Variants in GNE observed in about 807,000 individuals in gnomAD.
The protein encoded by GNE is bifunctional UDP-N-acetylglucosamine 2-epimerase/N-acetylmannosamine kinase.
GNE carries 41 observed loss-of-function variants against 61.8 expected under a neutral mutation model. The observed-to-expected ratio is 0.66, with a 90% confidence interval of 0.52 to 0.86. GNE has a LOEUF of 0.86. GNE is among the 40% of genes least tolerant of loss of function. The pLI is 0.00. For missense variants in GNE, 608 were observed against 909.1 expected, an observed-to-expected ratio of 0.67 and a Z score of 4.26; for synonymous variants, 264 against 326.4, an observed-to-expected ratio of 0.81 and a Z score of 2.06.
Position 36,246,351 on chromosome 9 carries a change from A to G in GNE, c.296T>C (p.Leu99Pro), listed in dbSNP as rs1313289563. The G allele has an allele frequency of 6.2e-7, 1 of 1,614,094 alleles. No individual in the cohort carries two copies. ...GLALVKLPDV[L>P]NRLKPDIMIV... ...CATGATATCAGGCTTCAGGCGATTAAGGACATCTGGCAGCTTCACTAGGGC... is the reference window on the plus strand; with the variant it reads ...CATGATATCAGGCTTCAGGCGATTAGGGACATCTGGCAGCTTCACTAGGGC... The change falls in exon 3 of 12, where the codon CTT becomes CCT. Residue 99 changes from leucine to proline, a missense_variant. By Grantham distance (98) the Leu-to-Pro change is moderately conservative (BLOSUM62 -3). Coordinates refer to ENST00000642385, the MANE Select transcript of GNE (RefSeq NM_005476.7).
rs1255803795 is a variant in GNE at position 36,217,247 on chromosome 9, C to T, written c.*118G>A. ...GACCAAAAGTGAAAACATTTCTCTG[C>T]CAAAGTCACCTGCAGTTCAATACCA... is the stretch of plus-strand genomic sequence containing the variant. On this transcript the variant is annotated 3_prime_UTR_variant, in exon 12 of 12. Transcript: ENST00000642385. 3 of 754,094 alleles carry T rather than the reference C, an allele frequency of 4.0e-6. No individual in the cohort carries two copies. The highest frequency in any genetic ancestry group is 7.0e-6 in the Non-Finnish European group (3 of 430,796). 46.7% of individuals were successfully genotyped at this position (754,094 alleles called of 1,614,324 possible). A position where few individuals can be genotyped will look rare whatever the true frequency, so the allele number is the denominator to read the frequency against.
At chr9:36,222,515 A>G (rs1348420714) in intron 9 of GNE, among the ~76,000 whole-genome samples, 2 of 152,214 alleles carry the variant, frequency 1.3e-5, no homozygotes, top group Non-Finnish European at 2.9e-5. Context: ...CTAACCAAAA[A>G]GACTGGGAGG....
At position 36,234,047 on chromosome 9, in the gene GNE, G is replaced by C; in HGVS notation, c.855C>G (p.Asp285Glu). The C allele has an allele frequency of 1.2e-6, 2 of 1,614,032 alleles. No individual in the cohort carries two copies. Among genetic ancestry groups the C allele is most frequent in the Non-Finnish European group, 1.7e-6 (2 of 1,179,898 alleles). ...CATGGGCAACCAACTGTATAAACTG[G>C]TCAAATGGGACGTGTTTAACTGCAC... ...NFRAVKHVPF[D>E]QFIQLVAHAG... The change falls in exon 5 of 12, where the codon GAC becomes GAG. Residue 285 changes from aspartate (D) to glutamate (E), a missense_variant. Asp to Glu is a conservative substitution (Grantham distance 45, BLOSUM62 2). Transcript: ENST00000642385.
intron 1 of GNE, among the ~76,000 whole-genome samples, chr9:36,265,780 A>G (rs951568551): frequency 6.6e-6 from 1 of 152,136 alleles, no homozygotes; most frequent in Non-Finnish European, 1.5e-5. Flanking sequence ...GGAGCGTTCA[A>G]CCTAGGTCCC....
At chr9:36,260,868 CAAAAAAAAAAAA>C (rs745821430), upstream of GNE, among the ~76,000 whole-genome samples, 4 of 96,020 alleles carry the variant, frequency 4.2e-5, no homozygotes, top group East Asian at 7.9e-4. Flanking sequence ...GACTCTATCT[CAAAAAAAAAAAA>C]AAAAAAAAAA....
chr9:36,253,817 C>T (rs1830216910), intron 1 of GNE, among the ~76,000 whole-genome samples: 1 of 151,232 alleles, frequency 6.6e-6, no homozygotes, highest in African/African-American at 2.4e-5. Context: ...GTGGGCGGAT[C>T]ACCTGAGGTC....
intron 1 of GNE, among the ~76,000 whole-genome samples, chr9:36,250,970 T>C (rs1357176421): frequency 1.3e-5 from 2 of 152,094 alleles, no homozygotes; most frequent in Non-Finnish European, 2.9e-5. Flanking sequence ...CAAGAGCCAT[T>C]GCGCCCGGCC....
At chr9:36,240,111 G>C (rs1829572407) in intron 3 of GNE, among the ~76,000 whole-genome samples, 1 of 152,130 alleles carries the variant, frequency 6.6e-6, no homozygotes, top group Non-Finnish European at 1.5e-5. Context: ...TGTCAGCAAA[G>C]AGTGACGGTT....
In GNE at chr9:36,217,421, C is replaced by CT. The variant is rs1563926065; in HGVS notation, c.2112_2113insA (p.Ala705SerfsTer43). On this transcript the variant is annotated frameshift_variant, in exon 12 of 12. Transcript: ENST00000642385. LOFTEE classifies it high-confidence loss of function. ...ACCATGCTGGCAGCACCCAGCAGGG[C>CT]GGGGTCAACCAAATCCGAAACCACC... 2 of 1,614,124 alleles carry CT rather than the reference C, an allele frequency of 1.2e-6. No homozygotes were observed. The highest frequency in any genetic ancestry group is 1.7e-6 in the Non-Finnish European group (2 of 1,179,996).
intron 9 of GNE, 105 bp from the exon 10 acceptor site, chr9:36,220,125 A>G (rs2133007701): frequency 2.2e-6 from 2 of 920,854 alleles, no homozygotes; most frequent in Non-Finnish European, 3.6e-6. Context: ...GTGAGGGTCT[A>G]TAGATACTTC....
chr9:36,230,523 G>A (rs958259849), intron 5 of GNE, among the ~76,000 whole-genome samples: 3 of 150,952 alleles, frequency 2.0e-5, no homozygotes, highest in East Asian at 2.0e-4. Flanking sequence ...GTAGTGGCAC[G>A]ATCATAGCTC....
At chr9:36,237,149 A>C (rs1480777798) in intron 3 of GNE, among the ~76,000 whole-genome samples, 165 bp from the exon 4 acceptor site, 1 of 152,242 alleles carries the variant, frequency 6.6e-6, no homozygotes, top group African/African-American at 2.4e-5. Context: ...TCAAATGATA[A>C]GAATTTACAG....
chr9:36,225,405 C>A (rs1266677985), intron 7 of GNE, among the ~76,000 whole-genome samples: 1 of 152,132 alleles, frequency 6.6e-6, no homozygotes, highest in Non-Finnish European at 1.5e-5. Context: ...GAGGTCGAGG[C>A]TGGCAGATCC....
At chr9:36,248,582 C>G (rs1215894399) in intron 2 of GNE, among the ~76,000 whole-genome samples, 1 of 152,126 alleles carries the variant, frequency 6.6e-6, no homozygotes, top group Admixed American at 6.6e-5. Context: ...CCTCAGCCCC[C>G]CAGAGTGCTG....
At chr9:36,265,151 C>G (rs930244483) in intron 1 of GNE, 2 of 303,280 alleles carry the variant, frequency 6.6e-6, no homozygotes, top group African/African-American at 4.3e-5. Context: ...GCCGTTGTTC[C>G]TGCACGGCAA....
At chr9:36,221,072 G>A (rs1034321169) in intron 9 of GNE, among the ~76,000 whole-genome samples, 1 of 152,226 alleles carries the variant, frequency 6.6e-6, no homozygotes, top group African/African-American at 2.4e-5. Flanking sequence ...TGTAATCCCA[G>A]CACTTTGGGA....
In GNE at chr9:36,249,398, C is replaced by A; in HGVS notation, c.-42-1G>T. The A allele has an allele frequency of 6.3e-7, 1 of 1,595,572 alleles. No individual in the cohort carries two copies. The highest frequency in any genetic ancestry group is 8.6e-7 in the Non-Finnish European group (1 of 1,166,336). On this transcript the variant is annotated splice_acceptor_variant, in intron 1 of 11. Transcript: ENST00000642385. LOFTEE classifies it low-confidence loss of function (5UTR_SPLICE). ...TTGAGAGGTTCTTAAAATAGAGTTC[C>A]TGAAATTGCCAAAATAAAAACTTTA...
intron 1 of GNE, among the ~76,000 whole-genome samples, chr9:36,268,956 C>A (rs977328075): frequency 1.3e-5 from 2 of 151,754 alleles, no homozygotes; most frequent in Admixed American, 1.3e-4. Context: ...ATGGCGAAAC[C>A]CTATCTCTAC....
intron 1 of GNE, among the ~76,000 whole-genome samples, chr9:36,254,146 A>T (rs902009025): frequency 5.3e-5 from 8 of 152,088 alleles, no homozygotes; most frequent in African/African-American, 1.9e-4. Context: ...CAGAGGTTGC[A>T]GTGAGCTGAG....
Sources: allele counts gnomAD v4.1 joint callset (sites outside exome capture counted in the v4.1 genomes callset), GRCh38; gene constraint gnomAD v4.1.1; transcripts MANE v1.5; gene names NCBI Gene and HGNC (gene_info 2026-07-23, HGNC 2026-07-21).